ACVR2B: variants seen among roughly 807,000 people sequenced by gnomAD.
ACVR2B encodes activin receptor type-2B.
A neutral mutation model predicts 65.1 loss-of-function variants in ACVR2B; 18 were observed. That is an observed-to-expected ratio of 0.28 (90% confidence interval 0.19 to 0.41). The LOEUF is 0.41. Ranked by LOEUF, ACVR2B falls within the 10% of genes least tolerant of loss-of-function variation. The pLI is 1.00. For synonymous variants in ACVR2B, 298 were observed against 277.7 expected (o/e 1.07, Z -0.73); for missense variants, 482 against 682.7 (o/e 0.71, Z 3.28).
At chr3:38,473,672 G>A (rs1248225376) in intron 1 of ACVR2B, 1 of 152,428 alleles carries the variant, frequency 6.6e-6, no homozygotes, top group East Asian at 1.9e-4. Flanking sequence ...CTTGTGTTAT[G>A]AGGGATTGTC....
Position 38,455,627 on chromosome 3 carries a change from A to AGC in ACVR2B, c.52+1266_52+1267dup, listed in dbSNP as rs145164316. 2.9e-3 allele frequency among the ~76,000 whole-genome samples: 443 copies of AGC among 151,784 alleles called. 2 individuals carry two copies. The highest frequency in any genetic ancestry group is 8.8e-3 in the African/African-American group (364 of 41,468). ...AAGCGAGTGAGTTCTGTAGGGTAGT[A>AGC]GCGCGCGCGCGCGCAGCCTGAGTCC... On this transcript the variant is annotated intron_variant, in intron 1 of 10. Transcript: ENST00000352511.
rs537255990 is a variant in ACVR2B at position 38,484,810 on chromosome 3, G to A, written c.*1478G>A. 6.6e-6 allele frequency: 1 copy of A among 152,670 alleles called. No individual in the cohort carries two copies. The highest frequency in any genetic ancestry group is 2.1e-4 in the South Asian group (1 of 4,818). The allele number at this position is 152,670 out of a possible 1,614,324, so 9.5% of individuals were successfully genotyped here. A position where few individuals can be genotyped will look rare whatever the true frequency, so the allele number is the denominator to read the frequency against. ...AAATACCTCAGAATTTTCTACTTAT[G>A]TAAGGTTTATTATATATTTTGTTAG... On this transcript the variant is annotated 3_prime_UTR_variant, in exon 11 of 11. Transcript: ENST00000352511.
chr3:38,472,376 CCT>C (rs1410945899), intron 1 of ACVR2B, among the ~76,000 whole-genome samples: 2 of 152,192 alleles, frequency 1.3e-5, no homozygotes, highest in East Asian at 3.8e-4. Context: ...AGCTGCCTTT[CCT>C]CTCTGGGCAG....
chr3:38,461,427 C>G (rs1709645061), intron 1 of ACVR2B, among the ~76,000 whole-genome samples: 1 of 152,202 alleles, frequency 6.6e-6, no homozygotes, highest in South Asian at 2.1e-4. Flanking sequence ...CAAGGCTCAT[C>G]TGCTCTGGGC....
Position 38,477,296 on chromosome 3 carries a change from G to A in ACVR2B, c.62G>A (p.Arg21His), listed in dbSNP as rs776754289. 1.2e-5 allele frequency: 19 copies of A among 1,613,986 alleles called. No homozygotes were observed. The highest frequency in any genetic ancestry group is 3.3e-5 in the Admixed American group (2 of 60,000). ...TTTCTCTGGGGCACAGGCTCTGGGC[G>A]TGGGGAGGCTGAGACACGGGAGTGC... ...LWGSLCAGSGRGEAETRECIY... is the reference protein window; with the variant it reads ...LWGSLCAGSGHGEAETRECIY... Residue 21 changes from arginine (R) to histidine (H), a missense_variant, in exon 2 of 11, where the codon CGT (arginine) becomes CAT (histidine). By Grantham distance (29) the Arg-to-His change is conservative (BLOSUM62 0). Around this residue, in one of 5 missense-constraint regions of ACVR2B, gnomAD observed 41 missense variants for 38.2 expected, o/e 1.07. Coordinates refer to ENST00000352511, the MANE Select transcript of ACVR2B (RefSeq NM_001106.4). The surrounding 1 kb of genome is among the most constrained non-coding windows in gnomAD (Gnocchi z 6.7).
At chr3:38,457,915 C>T (rs1709577607) in intron 1 of ACVR2B, among the ~76,000 whole-genome samples, 1 of 152,094 alleles carries the variant, frequency 6.6e-6, no homozygotes, top group African/African-American at 2.4e-5. Context: ...CCGTGGGTGC[C>T]CCTCCCAGAG....
Position 38,482,418 on chromosome 3 carries a change from T to C in ACVR2B, c.1214-12T>C, listed in dbSNP as rs532011138. On this transcript the variant is annotated splice_polypyrimidine_tract_variant and intron_variant, in intron 9 of 10. Coordinates refer to ENST00000352511, the MANE Select transcript of ACVR2B (RefSeq NM_001106.4). Reference sequence around the variant, plus strand: ...CTTAGAGTGATCCTGCCAGGCTCTCTCTTTCTCCTAGGACCCGTGGATGAG... The same window carrying C: ...CTTAGAGTGATCCTGCCAGGCTCTCCCTTTCTCCTAGGACCCGTGGATGAG... 1.2e-4 allele frequency: 201 copies of C among 1,611,868 alleles called. 1 individual carries two copies. The South Asian group carries it at 2.1e-3, about 17-fold the overall frequency.
Position 38,478,523 on chromosome 3 carries a change from G to A in ACVR2B, c.666+5G>A, listed in dbSNP as rs187763364. On this transcript the variant is annotated splice_donor_5th_base_variant and intron_variant, in intron 5 of 10. Transcript: ENST00000352511. ...GTCAAGATCTTCCCACTCCAGGTGA[G>A]TGTTTGAGGGGCTCCATCCAGGTCC... 2,097 of 1,614,118 alleles carry A rather than the reference G, an allele frequency of 1.3e-3. 21 individuals are homozygous for A. In the African/African-American group the frequency reaches 0.025, roughly 19 times the overall value.
intron 1 of ACVR2B, 148 bp downstream of exon 1, chr3:38,454,522 G>T (rs1164209284): frequency 1.6e-5 from 10 of 627,862 alleles, no homozygotes; most frequent in Admixed American, 4.7e-5. Flanking sequence ...CGTGGGCTGG[G>T]GGCGCGGTGG....
At position 38,483,273 on chromosome 3, in the gene ACVR2B, G is replaced by A. The variant is rs121434438; in HGVS notation, c.1480G>A (p.Val494Ile). The part of the protein sequence containing the change: ...SVNGTTSDCL[V>I]SLVTSVTNVD... ...CAACGGCACTACCTCGGACTGTCTC[G>A]TTTCCCTGGTGACCTCTGTCACCAA... The change falls in exon 11 of 11, where the codon GTT (valine) becomes ATT (isoleucine). Residue 494 changes from valine (V) to isoleucine (I), a missense_variant. By Grantham distance (29) the Val-to-Ile change is conservative. This residue lies in a region of ACVR2B where 38 missense variants were observed against 29.3 expected (regional missense o/e 1.30). Transcript: ENST00000352511. The surrounding 1 kb of genome is among the most constrained non-coding windows in gnomAD (Gnocchi z 4.8). 8.7e-6 allele frequency: 14 copies of A among 1,613,870 alleles called. No homozygotes were observed. The highest frequency in any genetic ancestry group is 1.1e-5 in the South Asian group (1 of 91,080).
At chr3:38,473,207 C>T (rs937885002) in intron 1 of ACVR2B, among the ~76,000 whole-genome samples, 2 of 152,264 alleles carry the variant, frequency 1.3e-5, no homozygotes, top group Middle Eastern at 3.4e-3. Flanking sequence ...CTTTGGAGGC[C>T]AGCAGTTGGT....
At chr3:38,461,845 A>G (rs1709652789) in intron 1 of ACVR2B, among the ~76,000 whole-genome samples, 1 of 152,128 alleles carries the variant, frequency 6.6e-6, no homozygotes, top group South Asian at 2.1e-4. Context: ...TAAGATTGAG[A>G]TGTATTCTTC....
Position 38,490,387 on chromosome 3 carries a change from A to G in ACVR2B, c.*7055A>G, listed in dbSNP as rs1161284844. On this transcript the variant is annotated 3_prime_UTR_variant, in exon 11 of 11. Transcript: ENST00000352511. The stretch of plus-strand genomic sequence containing the variant: ...CTTTTTATTCATTCTGGTTGAGCGT[A>G]TAGGTTTACACTTTACCCTTTTTAT... The G allele has an allele frequency of 6.6e-6, 1 of 152,600 alleles. No individual in the cohort carries two copies. The highest frequency in any genetic ancestry group is 1.5e-5 in the Non-Finnish European group (1 of 68,050). 9.5% of individuals were successfully genotyped at this position (152,600 alleles called of 1,614,324 possible).
rs1710093948 is a variant in ACVR2B, at chr3:38,485,218, T to C, written c.*1886T>C. ...TGTAATTCACATGTAACATGTAACT[T>C]GATCGGTCAGTGTTCAGAATGACAA... On this transcript the variant is annotated 3_prime_UTR_variant, in exon 11 of 11. Coordinates refer to ENST00000352511, the MANE Select transcript of ACVR2B (RefSeq NM_001106.4). 6.6e-6 allele frequency: 1 copy of C among 152,246 alleles called. No homozygotes were observed. The highest frequency in any genetic ancestry group is 6.5e-5 in the Admixed American group (1 of 15,288). The allele number at this position is 152,246 out of a possible 1,614,324, so 9.4% of individuals were successfully genotyped here. A position where few individuals can be genotyped will look rare whatever the true frequency, so the allele number is the denominator to read the frequency against.
At chr3:38,479,473 G>A (rs1709978549) in intron 6 of ACVR2B, among the ~76,000 whole-genome samples, 1 of 152,142 alleles carries the variant, frequency 6.6e-6, no homozygotes, top group Non-Finnish European at 1.5e-5. Flanking sequence ...CCTGGGATAA[G>A]TTTTTATGAT....
intron 1 of ACVR2B, among the ~76,000 whole-genome samples, chr3:38,462,495 A>G (rs903164592): frequency 3.3e-5 from 5 of 152,200 alleles, no homozygotes; most frequent in African/African-American, 7.2e-5. Flanking sequence ...AACAGCATAA[A>G]ATAGTTTCAT....
chr3:38,462,110 C>T (rs958546084), intron 1 of ACVR2B, among the ~76,000 whole-genome samples: 4 of 152,100 alleles, frequency 2.6e-5, no homozygotes, highest in Admixed American at 1.3e-4. Context: ...AGGAGAATGG[C>T]GTGAACCCGG....
At chr3:38,457,042 A>G (rs35947591) in intron 1 of ACVR2B, among the ~76,000 whole-genome samples, 73,597 of 151,822 alleles carry the variant, frequency 0.48, 19,924 homozygotes, top group Non-Finnish European at 0.61. Flanking sequence ...CGTCTCTACT[A>G]AAAATACAAA....
At position 38,485,726 on chromosome 3, in the gene ACVR2B, T is replaced by C. The variant is rs1710109166; in HGVS notation, c.*2394T>C. On this transcript the variant is annotated 3_prime_UTR_variant, in exon 11 of 11. Transcript: ENST00000352511. Reference sequence around the variant, plus strand: ...TGATTTTGTGCTGTGGTATTTTTTTTCCCTTAGAATAATTTTTAATGGCAA... The same window carrying C: ...TGATTTTGTGCTGTGGTATTTTTTTCCCCTTAGAATAATTTTTAATGGCAA... The C allele has an allele frequency of 6.6e-6, 1 of 150,408 alleles. No individual in the cohort carries two copies. Among genetic ancestry groups the C allele is most frequent in the Non-Finnish European group, 1.5e-5 (1 of 67,544 alleles). 9.3% of individuals were successfully genotyped at this position (150,408 alleles called of 1,614,324 possible).
Sources: allele counts gnomAD v4.1 joint callset (sites outside exome capture counted in the v4.1 genomes callset), GRCh38; gene constraint gnomAD v4.1.1; regional missense constraint gnomAD v4.1.1; non-coding constraint Gnocchi (gnomAD v3.1); transcripts MANE v1.5; gene names NCBI Gene and HGNC (gene_info 2026-07-23, HGNC 2026-07-21).